Variants in WASF3 observed in about 807,000 individuals in gnomAD.
The protein encoded by WASF3 is actin-binding protein WASF3.
In WASF3, 11 loss-of-function variants were observed where a neutral mutation model predicts 46.6. That is an observed-to-expected ratio of 0.24 (90% confidence interval 0.15 to 0.39). The LOEUF (loss-of-function observed/expected upper bound fraction) is 0.39. Ranked by LOEUF, WASF3 falls within the 10% of genes least tolerant of loss-of-function variation. The probability of loss-of-function intolerance (pLI) is 1.00; values close to 1 mark genes in which losing one functional copy is unlikely to be tolerated. For missense variants in WASF3, 576 were observed against 669.8 expected (o/e 0.86, Z 1.55); for synonymous variants, 242 against 259.7 (o/e 0.93, Z 0.65).
intron 1 of WASF3, among the ~76,000 whole-genome samples, chr13:26,562,402 A>C (rs1423638835): frequency 6.6e-6 from 1 of 151,944 alleles, no homozygotes; most frequent in Non-Finnish European, 1.5e-5. Flanking sequence ...TGGGAGGGGG[A>C]GGCCAGTTTG....
the WASF3 span, among the ~76,000 whole-genome samples, chr13:26,543,704 G>A: frequency 6.6e-6 from 1 of 152,160 alleles, no homozygotes; most frequent in Non-Finnish European, 1.5e-5. Context: ...GTAGCCATAA[G>A]TTCTATGGAA....
intron 1 of WASF3, among the ~76,000 whole-genome samples, chr13:26,580,617 T>C (rs188399237): frequency 5.5e-4 from 72 of 131,380 alleles, no homozygotes; most frequent in African/African-American, 1.9e-3. Context: ...TGAAATTTCT[T>C]TTTTCTTTCT....
At chr13:26,592,405 C>T (rs906047714) in intron 1 of WASF3, among the ~76,000 whole-genome samples, 1 of 152,170 alleles carries the variant, frequency 6.6e-6, no homozygotes, top group East Asian at 1.9e-4. Context: ...ATAGCTTAAA[C>T]AACAGAGATT....
At chr13:26,633,061 C>A (rs1881701390) in intron 2 of WASF3, among the ~76,000 whole-genome samples, 1 of 152,012 alleles carries the variant, frequency 6.6e-6, no homozygotes, top group South Asian at 2.1e-4. Context: ...ATTCTTTTCT[C>A]TTTTCTTCTT....
At position 26,562,273 on chromosome 13, in the gene WASF3, G is replaced by A. The variant is rs1334544187; in HGVS notation, c.-109+4454G>A. 4.6e-5 allele frequency among the ~76,000 whole-genome samples: 7 copies of A among 152,268 alleles called. No homozygotes were observed. The South Asian group carries it at 1.4e-3, about 32-fold the overall frequency. On this transcript the variant is annotated intron_variant, in intron 1 of 9. Transcript: ENST00000335327. Reference sequence around the variant, plus strand: ...AAGCAGATAATAGGCTCCCACACTGGGACTAAGAAGGATGGGGGTCATGGT... The same window carrying A: ...AAGCAGATAATAGGCTCCCACACTGAGACTAAGAAGGATGGGGGTCATGGT...
chr13:26,578,278 G>A (rs974310750), intron 1 of WASF3, among the ~76,000 whole-genome samples: 3 of 152,102 alleles, frequency 2.0e-5, no homozygotes, highest in Non-Finnish European at 2.9e-5. Flanking sequence ...TCTTGTAGAC[G>A]ACTTACCAGG....
chr13:26,685,576 TTC>T (rs1566076765), intron 9 of WASF3, 110 bp from the exon 10 acceptor site: 4 of 1,319,026 alleles, frequency 3.0e-6, no homozygotes, highest in African/African-American at 2.9e-5. Flanking sequence ...TTCTAAAACT[TTC>T]TGTCCTTAGT....
chr13:26,597,211 C>T (rs1880495368), intron 1 of WASF3, among the ~76,000 whole-genome samples: 1 of 152,224 alleles, frequency 6.6e-6, no homozygotes, highest in Non-Finnish European at 1.5e-5. Context: ...CATCCCACTG[C>T]AACCTCTGCC....
At chr13:26,572,830 G>A (rs1879679997) in intron 1 of WASF3, among the ~76,000 whole-genome samples, 1 of 152,178 alleles carries the variant, frequency 6.6e-6, no homozygotes, top group East Asian at 1.9e-4. Flanking sequence ...TGGGATTACA[G>A]GCGGGAGCCA....
chr13:26,625,746 G>A (rs941675220), intron 2 of WASF3, among the ~76,000 whole-genome samples: 2 of 152,162 alleles, frequency 1.3e-5, no homozygotes, highest in Non-Finnish European at 2.9e-5. Context: ...TCCTAGCCCA[G>A]TCAGCTTGAC....
the WASF3 span, among the ~76,000 whole-genome samples, chr13:26,546,524 A>G: frequency 6.6e-6 from 1 of 152,168 alleles, no homozygotes; most frequent in East Asian, 1.9e-4. Flanking sequence ...CAGCCTGGCC[A>G]CCATGGTGAA....
At chr13:26,551,246 T>C in the WASF3 span, among the ~76,000 whole-genome samples, 1 of 152,174 alleles carries the variant, frequency 6.6e-6, no homozygotes, top group Non-Finnish European at 1.5e-5. Flanking sequence ...ACTGAGTCAA[T>C]TAAACCTCTC....
At chr13:26,665,438 A>T (rs538336614) in intron 4 of WASF3, among the ~76,000 whole-genome samples, 52 of 152,332 alleles carry the variant, frequency 3.4e-4, no homozygotes, top group Middle Eastern at 3.4e-3. Context: ...TCAGTATTAG[A>T]AGCCCCAATT....
chr13:26,589,001 C>T (rs1275339138), intron 1 of WASF3, among the ~76,000 whole-genome samples: 2 of 151,898 alleles, frequency 1.3e-5, no homozygotes, highest in Non-Finnish European at 2.9e-5. Context: ...ACCATGTTGC[C>T]GAGGCTAGTC....
intron 1 of WASF3, among the ~76,000 whole-genome samples, chr13:26,597,221 C>T (rs1428852436): frequency 6.6e-6 from 1 of 152,220 alleles, no homozygotes; most frequent in Non-Finnish European, 1.5e-5. Flanking sequence ...CAACCTCTGC[C>T]TCCTGGCTTT....
chr13:26,665,186 G>A (rs1882735991), intron 4 of WASF3, 24 bp downstream of exon 4: 1 of 1,610,488 alleles, frequency 6.2e-7, no homozygotes, highest in Non-Finnish European at 8.5e-7. Context: ...TGAAAGCAGT[G>A]AGCTAGAAGT....
In WASF3 at chr13:26,685,950, A is replaced by C; in HGVS notation, c.*105A>C. ...AATCCCGTAGCATAGCACCTTTTGT[A>C]TAAACAATGTGATATTGCTTCTGCA... On this transcript the variant is annotated 3_prime_UTR_variant, in exon 10 of 10. Transcript: ENST00000335327. 7.0e-7 allele frequency: 1 copy of C among 1,438,364 alleles called. No individual in the cohort carries two copies. Among genetic ancestry groups the C allele is most frequent in the Non-Finnish European group, 9.3e-7 (1 of 1,077,008 alleles). The allele number at this position is 1,438,364 out of a possible 1,614,324, so 89.1% of individuals were successfully genotyped here.
chr13:26,552,014 A>G, the WASF3 span, among the ~76,000 whole-genome samples: 1 of 152,168 alleles, frequency 6.6e-6, no homozygotes, highest in African/African-American at 2.4e-5. Flanking sequence ...ATGGGAAAGG[A>G]GAGGCAGGGA....
intron 2 of WASF3, among the ~76,000 whole-genome samples, chr13:26,613,268 A>G (rs1881032062): frequency 6.6e-6 from 1 of 151,862 alleles, no homozygotes; most frequent in South Asian, 2.1e-4. Flanking sequence ...TGAAAGAGAA[A>G]AAAAAACTTG....
Sources: allele counts gnomAD v4.1 joint callset (sites outside exome capture counted in the v4.1 genomes callset), GRCh38; gene constraint gnomAD v4.1.1; transcripts MANE v1.5; gene names NCBI Gene and HGNC (gene_info 2026-07-23, HGNC 2026-07-21).